ANK3: variants seen among roughly 807,000 people sequenced by gnomAD.
The protein encoded by ANK3 is ankyrin 3.
ANK3 carries 57 observed loss-of-function variants against 370.9 expected under a neutral mutation model. The observed-to-expected ratio is 0.15, with a 90% confidence interval of 0.12 to 0.19. The LOEUF is 0.19. ANK3 is among the 10% of genes least tolerant of loss of function. The pLI, the probability that ANK3 is intolerant of heterozygous loss-of-function variation, is 1.00. For missense variants in ANK3, 4,439 were observed against 5,302.1 expected, an observed-to-expected ratio of 0.84 and a Z score of 5.06; for synonymous variants, 1,929 against 1,946.3, an observed-to-expected ratio of 0.99 and a Z score of 0.23.
At chr10:60,279,484 A>C (rs968946961) in intron 2 of ANK3, 54 bp downstream of exon 2, 87 of 1,386,820 alleles carry the variant, frequency 6.3e-5, no homozygotes, top group African/African-American at 1.2e-4. Flanking sequence ...AAGGAGCTTG[A>C]AGTCTGGATT....
chr10:60,587,421 C>T (rs773966628), intron 2 of ANK3, among the ~76,000 whole-genome samples: 1 of 152,128 alleles, frequency 6.6e-6, no homozygotes, highest in Non-Finnish European at 1.5e-5. Context: ...ACTCGAGATG[C>T]CCAGGTGTGG....
intron 7 of ANK3, among the ~76,000 whole-genome samples, chr10:60,239,797 C>A (rs369083555): frequency 6.6e-6 from 1 of 151,822 alleles, no homozygotes; most frequent in South Asian, 2.1e-4. Context: ...AAACGTATGA[C>A]AACAACCACA....
At chr10:60,612,043 C>T (rs1238306779) in intron 2 of ANK3, among the ~76,000 whole-genome samples, 2 of 152,114 alleles carry the variant, frequency 1.3e-5, no homozygotes, top group Admixed American at 6.6e-5. Flanking sequence ...TGTCTCATTA[C>T]CTAATCCCAG....
chr10:60,415,765 G>T (rs536713484), intron 2 of ANK3, among the ~76,000 whole-genome samples: 146 of 152,216 alleles, frequency 9.6e-4, no homozygotes, highest in Non-Finnish European at 7.2e-4. Context: ...CACCCAAGCA[G>T]CAAAGAAAAT....
rs67930305 is a variant in ANK3 at position 60,482,495 on chromosome 10, A to AT, written c.96+132690dup. Among the ~76,000 whole-genome samples, 457 of 150,680 alleles carry AT rather than the reference A, an allele frequency of 3.0e-3. 4 individuals carry two copies. The highest frequency in any genetic ancestry group is 0.01 in the African/African-American group (421 of 41,144). Reference sequence around the variant, plus strand: ...ATAATCAAAACTACTCTCTAACAACATTTTTTTTTTAAGACAGAGTCTCAC... The same window carrying AT: ...ATAATCAAAACTACTCTCTAACAACATTTTTTTTTTTAAGACAGAGTCTCAC... On this transcript the variant is annotated intron_variant, in intron 2 of 43. Transcript: ENST00000373827.
rs181247651 is a variant in ANK3, at chr10:60,447,884, T to C, written c.96+167302A>G. ...ATTAAGGGGTTGTGACCGATAATTT[T>C]AAGAATCTTTTCCTTCTCTAAAATC... On this transcript the variant is annotated intron_variant, in intron 2 of 43. Transcript: ENST00000373827. Among the ~76,000 whole-genome samples the C allele has an allele frequency of 1.7e-3, 259 of 152,294 alleles. 5 individuals carry two copies. Among genetic ancestry groups the C allele is most frequent in the Middle Eastern group, 3.4e-3 (1 of 294 alleles).
chr10:60,038,978 T>C (rs996244871), intron 43 of ANK3, among the ~76,000 whole-genome samples: 1 of 152,204 alleles, frequency 6.6e-6, no homozygotes, highest in Non-Finnish European at 1.5e-5. Context: ...AGACCTTCCC[T>C]AGCCCCAAAG....
chr10:60,241,921 A>G (rs1439285214), intron 7 of ANK3, among the ~76,000 whole-genome samples: 6 of 152,194 alleles, frequency 3.9e-5, no homozygotes, highest in Non-Finnish European at 8.8e-5. Context: ...AATTTGACTG[A>G]GCAAAATTAC....
intron 1 of ANK3, among the ~76,000 whole-genome samples, chr10:60,707,165 T>C (rs985470668): frequency 1.3e-5 from 2 of 152,208 alleles, no homozygotes; most frequent in African/African-American, 4.8e-5. Flanking sequence ...AATCACTGAA[T>C]AATTTGGATC....
intron 1 of ANK3, among the ~76,000 whole-genome samples, chr10:60,658,983 G>C (rs1351453247): frequency 1.3e-5 from 2 of 151,806 alleles, no homozygotes; most frequent in Non-Finnish European, 2.9e-5. Context: ...GAAGGGACGG[G>C]AGGGGAGGAT....
Position 60,172,935 on chromosome 10 carries a change from G to A in ANK3, c.2347C>T (p.Leu783Phe). The change falls in exon 20 of 44, where the codon CTT becomes TTT. Residue 783 changes from leucine (L) to phenylalanine (F), a missense_variant. This residue lies in a region of ANK3 where 702 missense variants were observed against 941.5 expected (regional missense o/e 0.75). Transcript: ENST00000280772. ...TCATTGGGGGAGGCGTTGTTCTGAA[G>A]TAAGACATTTATTATATGCGTATGC... The part of the protein sequence containing the change: ...QGHTHIINVL[L>F]QNNASPNELT... The A allele has an allele frequency of 1.2e-6, 2 of 1,614,040 alleles. No individual in the cohort carries two copies. Among genetic ancestry groups the A allele is most frequent in the Non-Finnish European group, 1.7e-6 (2 of 1,179,948 alleles).
chr10:60,086,857 T>C lies in ANK3; in HGVS notation c.3568A>G (p.Lys1190Glu). 1 of 1,613,834 alleles carries C rather than the reference T, an allele frequency of 6.2e-7. No homozygotes were observed. The highest frequency in any genetic ancestry group is 8.5e-7 in the Non-Finnish European group (1 of 1,179,960). The change falls in exon 30 of 44, where the codon AAA (lysine) becomes GAA (glutamate). Residue 1190 changes from lysine (K) to glutamate (E), a missense_variant. Around this residue, in one of 13 missense-constraint regions of ANK3, gnomAD observed 702 missense variants for 941.5 expected, o/e 0.75. Transcript: ENST00000280772. Reference sequence around the variant, plus strand: ...GTTGCTTTGTTTCCAAGGATCTTTTTCACAATTTCATCTGGAACAGGCTGG... The same window carrying C: ...GTTGCTTTGTTTCCAAGGATCTTTTCCACAATTTCATCTGGAACAGGCTGG... Reference protein sequence around the residue: ...QAQPVPDEIVKKILGNKATFS... With the variant: ...QAQPVPDEIVEKILGNKATFS...
At chr10:60,301,263 C>T (rs954108975) in intron 1 of ANK3, among the ~76,000 whole-genome samples, 29 of 147,946 alleles carry the variant, frequency 2.0e-4, no homozygotes, top group East Asian at 5.9e-4. Context: ...CACACATGCA[C>T]GCACACATAT....
At chr10:60,091,106 T>G (rs1278790181) in intron 28 of ANK3, among the ~76,000 whole-genome samples, 1 of 152,220 alleles carries the variant, frequency 6.6e-6, no homozygotes, top group Non-Finnish European at 1.5e-5. Context: ...GGTTTCACCA[T>G]GTTGGCCAGC....
intron 18 of ANK3, 74 bp from the exon 19 acceptor site, chr10:60,173,260 A>G: frequency 8.4e-7 from 1 of 1,183,824 alleles, no homozygotes; most frequent in Non-Finnish European, 1.2e-6. Context: ...AACAGAAGCA[A>G]AATCATTATT....
intron 2 of ANK3, among the ~76,000 whole-genome samples, chr10:60,588,723 A>G (rs373278915): frequency 2.3e-3 from 345 of 149,954 alleles, no homozygotes; most frequent in Non-Finnish European, 3.7e-3. Flanking sequence ...CCTGGGCAAC[A>G]TAGTGAGACC....
chr10:60,577,405 A>G (rs1369039925), intron 2 of ANK3, among the ~76,000 whole-genome samples: 2 of 152,008 alleles, frequency 1.3e-5, no homozygotes, highest in African/African-American at 4.8e-5. Flanking sequence ...TGAATCCTAT[A>G]GTTCCCACAA....
chr10:60,072,672 C>G lies in ANK3; in HGVS notation c.8209G>C (p.Asp2737His), dbSNP rs764084254. The part of the protein sequence containing the change: ...HAKSKDMSQE[D>H]RKSDGQSRIP... ...CTGGACTGGCCATCTGACTTTCTGTCTTCTTGAGACATGTCCTTACTTTTT... is the reference window on the plus strand; with the variant it reads ...CTGGACTGGCCATCTGACTTTCTGTGTTCTTGAGACATGTCCTTACTTTTT... The change falls in exon 37 of 44, where the codon GAC becomes CAC. Residue 2737 changes from aspartate to histidine, a missense_variant. Transcript: ENST00000280772. 8.1e-6 allele frequency: 13 copies of G among 1,613,894 alleles called. No individual in the cohort carries two copies. Among genetic ancestry groups the G allele is most frequent in the Non-Finnish European group, 1.1e-5 (13 of 1,180,006 alleles).
intron 2 of ANK3, among the ~76,000 whole-genome samples, chr10:60,434,789 C>T (rs1229513819): frequency 6.6e-6 from 1 of 152,184 alleles, no homozygotes; most frequent in Non-Finnish European, 1.5e-5. Context: ...ATCTATACAC[C>T]TGCAATAACT....
Sources: gnomAD v4.1 joint callset for allele counts (sites outside exome capture counted in the v4.1 genomes callset) on GRCh38, gnomAD v4.1.1 for gene constraint, gnomAD v4.1.1 regional missense constraint, MANE v1.5 for transcripts, NCBI Gene and HGNC (gene_info 2026-07-23, HGNC 2026-07-21) for gene names.